CNTLN: variants seen among roughly 807,000 people sequenced by gnomAD.
The protein encoded by CNTLN is centlein, centrosomal protein.
In CNTLN, 212 loss-of-function variants were observed where a neutral mutation model predicts 180.0. The observed-to-expected ratio is 1.18, with a 90% CI of 1.05 to 1.32. The LOEUF is 1.32. Ranked by LOEUF, CNTLN falls within the 40% of genes most tolerant of loss-of-function variation. The pLI is 0.00. For synonymous variants in CNTLN, 722 were observed against 563.1 expected, an observed-to-expected ratio of 1.28 and a Z score of -3.99; for missense variants, 2,095 against 1,610.9, an observed-to-expected ratio of 1.30 and a Z score of -5.14.
At chr9:17,304,218 A>C (rs528359324) in intron 7 of CNTLN, among the ~76,000 whole-genome samples, 142 of 152,262 alleles carry the variant, frequency 9.3e-4, no homozygotes, top group Non-Finnish European at 1.8e-3. Flanking sequence ...ACAAATCATC[A>C]GTCTCATATA....
rs1832925294 is a variant in CNTLN, at chr9:17,487,042, C to A, written c.4095C>A (p.Tyr1365Ter). Residue 1365 changes from tyrosine to a stop codon, truncating the protein, a stop_gained, in exon 25 of 26, where the codon TAC (tyrosine) becomes TAA (stop). Coordinates refer to ENST00000380647, the MANE Select transcript of CNTLN (RefSeq NM_017738.4). LOFTEE classifies it high-confidence loss of function. The stretch of plus-strand genomic sequence containing the variant: ...AAAATGACAAGGAATGGATGTTGTA[C>A]ATTCAGAAACTTCTTGAAGGACAGG... The part of the protein sequence containing the change: ...DAENDKEWML[Y>*]IQKLLEGQLP... 1.9e-6 allele frequency: 3 copies of A among 1,600,650 alleles called. No homozygotes were observed. Among genetic ancestry groups the A allele is most frequent in the African/African-American group, 1.3e-5 (1 of 74,164 alleles).
downstream of CNTLN, among the ~76,000 whole-genome samples, chr9:17,508,069 T>G (rs963130300): frequency 2.6e-5 from 4 of 152,200 alleles, no homozygotes; most frequent in African/African-American, 9.7e-5. Flanking sequence ...GAGACTTCCC[T>G]GGGTTCATGC....
At chr9:17,426,358 T>G (rs1829083875) in intron 18 of CNTLN, among the ~76,000 whole-genome samples, 1 of 152,168 alleles carries the variant, frequency 6.6e-6, no homozygotes, top group Admixed American at 6.6e-5. Context: ...AGAAAGTGTA[T>G]AACTTCTAAA....
rs149928205 is a variant in CNTLN, at chr9:17,387,417, G to T, written c.1988-745G>T. 9.9e-3 allele frequency among the ~76,000 whole-genome samples: 1,500 copies of T among 152,078 alleles called. 19 individuals are homozygous for T. Among genetic ancestry groups the T allele is most frequent in the Non-Finnish European group, 0.014 (982 of 67,944 alleles). On this transcript the variant is annotated intron_variant, in intron 13 of 25. Coordinates refer to ENST00000380647, the MANE Select transcript of CNTLN (RefSeq NM_017738.4). ...TTTGTCATAGTAATTTATCTGATAA[G>T]AAAAAAGTTATTTATAGGATTTGAT...
At chr9:17,195,663 G>T (rs1399054115) in intron 2 of CNTLN, among the ~76,000 whole-genome samples, 2 of 152,178 alleles carry the variant, frequency 1.3e-5, no homozygotes. Context: ...TAGCGTGCCT[G>T]GAGAGAGAAT....
chr9:17,475,954 G>A (rs1425873778), intron 23 of CNTLN, among the ~76,000 whole-genome samples: 1 of 149,852 alleles, frequency 6.7e-6, no homozygotes, highest in Non-Finnish European at 1.5e-5. Context: ...TTGCTTTATT[G>A]CTTTTCTCAG....
chr9:17,353,502 G>C, intron 12 of CNTLN, among the ~76,000 whole-genome samples: 1 of 151,320 alleles, frequency 6.6e-6, no homozygotes, highest in East Asian at 1.9e-4. Flanking sequence ...TCTTTGGCCA[G>C]TTGTTTATCA....
intron 2 of CNTLN, chr9:17,168,097 A>G (rs1820200977): frequency 6.6e-6 from 1 of 152,224 alleles, no homozygotes; most frequent in Non-Finnish European, 1.5e-5. Flanking sequence ...AGTTTTTGCT[A>G]TTCAAATATG....
chr9:17,211,077 A>C (rs1352423227), intron 2 of CNTLN, among the ~76,000 whole-genome samples: 3 of 152,034 alleles, frequency 2.0e-5, no homozygotes, highest in African/African-American at 7.2e-5. Flanking sequence ...CCATTTGTCA[A>C]TTTTGGCTTT....
At chr9:17,214,523 A>G (rs900207027) in intron 2 of CNTLN, among the ~76,000 whole-genome samples, 5 of 152,106 alleles carry the variant, frequency 3.3e-5, no homozygotes, top group East Asian at 1.9e-4. Context: ...GAATCTGACA[A>G]TTATGTGTCT....
At chr9:17,311,250 C>T (rs553357258) in intron 8 of CNTLN, among the ~76,000 whole-genome samples, 1 of 152,008 alleles carries the variant, frequency 6.6e-6, no homozygotes, top group East Asian at 2.0e-4. Context: ...GTCCTGAACT[C>T]CTGACCTCAG....
At chr9:17,186,133 T>C (rs1388559306) in intron 2 of CNTLN, among the ~76,000 whole-genome samples, 1 of 152,198 alleles carries the variant, frequency 6.6e-6, no homozygotes, top group Non-Finnish European at 1.5e-5. Flanking sequence ...GGATAATTTA[T>C]TTCATCTTGG....
intron 3 of CNTLN, among the ~76,000 whole-genome samples, chr9:17,233,532 C>T (rs4458955): frequency 0.31 from 47,327 of 151,888 alleles, 9,997 homozygotes; most frequent in East Asian, 0.6. Flanking sequence ...TTGCAGTCTG[C>T]AGTTTGAAAA....
chr9:17,156,636 T>G (rs1179067867), intron 2 of CNTLN, among the ~76,000 whole-genome samples: 1 of 152,222 alleles, frequency 6.6e-6, no homozygotes, highest in East Asian at 1.9e-4. Flanking sequence ...TCAGATTCAT[T>G]TTTGATATTT....
At chr9:17,466,533 A>C (rs1479168865) in intron 22 of CNTLN, among the ~76,000 whole-genome samples, 173 bp from the exon 23 acceptor site, 1 of 151,554 alleles carries the variant, frequency 6.6e-6, no homozygotes, top group Non-Finnish European at 1.5e-5. Context: ...GTATATGAGA[A>C]TATGTACTTA....
intron 13 of CNTLN, among the ~76,000 whole-genome samples, chr9:17,375,152 T>A (rs749820978): frequency 6.6e-6 from 1 of 152,084 alleles, no homozygotes; most frequent in Non-Finnish European, 1.5e-5. Flanking sequence ...TTGTGTTAAG[T>A]GAAATAAGCC....
intron 2 of CNTLN, among the ~76,000 whole-genome samples, chr9:17,194,068 G>A (rs1821964242): frequency 6.6e-6 from 1 of 152,158 alleles, no homozygotes; most frequent in Non-Finnish European, 1.5e-5. Context: ...AAGTCCCTAG[G>A]CTGCACACAG....
Position 17,503,288 on chromosome 9 carries a change from A to G in CNTLN, c.*636A>G, listed in dbSNP as rs916348106. On this transcript the variant is annotated 3_prime_UTR_variant, in exon 26 of 26. Coordinates refer to ENST00000380647, the MANE Select transcript of CNTLN (RefSeq NM_017738.4). ...ATACTATACGTTGTGTAGTCATATA[A>G]ATTTGCAGGGAACCACAAACCCAAT... is the stretch of plus-strand genomic sequence containing the variant. The G allele has an allele frequency of 2.0e-5, 3 of 152,120 alleles. No individual in the cohort carries two copies. The highest frequency in any genetic ancestry group is 4.4e-5 in the Non-Finnish European group (3 of 68,024). The allele number at this position is 152,120 out of a possible 1,614,324, so 9.4% of individuals were successfully genotyped here.
At chr9:17,245,777 C>T (rs1576958) in intron 5 of CNTLN, among the ~76,000 whole-genome samples, 27,546 of 151,480 alleles carry the variant, frequency 0.18, 2,884 homozygotes, top group African/African-American at 0.28. Flanking sequence ...TCAAACAACC[C>T]GTCTTCAATC....
Sources: allele counts gnomAD v4.1 joint callset (sites outside exome capture counted in the v4.1 genomes callset), GRCh38; gene constraint gnomAD v4.1.1; transcripts MANE v1.5; gene names NCBI Gene and HGNC (gene_info 2026-07-23, HGNC 2026-07-21).